Variants in CHD6 observed in about 807,000 individuals in gnomAD.
CHD6 encodes ATP-dependent chromatin remodeler CHD6.
CHD6 carries 50 observed loss-of-function variants against 276.9 expected under a neutral mutation model. The ratio of observed to expected loss-of-function variants is 0.18; its 90% CI spans 0.14 to 0.23. The LOEUF (loss-of-function observed/expected upper bound fraction) is 0.23, where lower values mean the gene tolerates loss of function less well. CHD6 is among the 10% of genes least tolerant of loss of function. The probability of loss-of-function intolerance (pLI) is 1.00; values close to 1 mark genes in which losing one functional copy is unlikely to be tolerated. For synonymous variants in CHD6, 1,173 were observed against 1,229.3 expected (o/e 0.95, Z 0.96); for missense variants, 2,564 against 3,365.8 (o/e 0.76, Z 5.89).
intron 1 of CHD6, among the ~76,000 whole-genome samples, chr20:41,576,090 T>C (rs924978615): frequency 1.1e-4 from 17 of 152,126 alleles, no homozygotes; most frequent in Non-Finnish European, 2.1e-4. Context: ...AAGCAAAATT[T>C]ACTAAAAAGG....
At chr20:41,580,776 T>C (rs932511027) in intron 1 of CHD6, among the ~76,000 whole-genome samples, 3 of 151,884 alleles carry the variant, frequency 2.0e-5, no homozygotes, top group African/African-American at 7.3e-5. Context: ...AGAATGAATA[T>C]AGTTTTAACA....
At position 41,452,498 on chromosome 20, in the gene CHD6, C is replaced by G. The variant is rs1399000122; in HGVS notation, c.3323+242G>C. ...TCAGTACCAGACAGCAAATTAGGAC[C>G]AGAGATTTGTTGTGACAGGCATATG... On this transcript the variant is annotated intron_variant, in intron 21 of 36. Coordinates refer to ENST00000373233, the MANE Select transcript of CHD6 (RefSeq NM_032221.5). This position sits in a 1 kb window ranked among gnomAD's most constrained non-coding sequence, Gnocchi z 4.2. Among the ~76,000 whole-genome samples the G allele has an allele frequency of 1.3e-5, 2 of 152,164 alleles. No individual in the cohort carries two copies. Among genetic ancestry groups the G allele is most frequent in the African/African-American group, 4.8e-5 (2 of 41,434 alleles).
chr20:41,484,814 A>AT (rs2043374357), intron 14 of CHD6, among the ~76,000 whole-genome samples: 1 of 152,192 alleles, frequency 6.6e-6, no homozygotes, highest in Non-Finnish European at 1.5e-5. Flanking sequence ...TTCACAAGCA[A>AT]TTACTGAGAA....
intron 8 of CHD6, among the ~76,000 whole-genome samples, chr20:41,494,476 CAAG>C (rs1164992710): frequency 1.3e-5 from 2 of 152,146 alleles, no homozygotes; most frequent in Non-Finnish European, 2.9e-5. Context: ...TACAAAACAA[CAAG>C]AAGCAACATA....
At chr20:41,439,937 G>A in intron 26 of CHD6, 63 bp downstream of exon 26, 2 of 1,567,794 alleles carry the variant, frequency 1.3e-6, no homozygotes, top group Non-Finnish European at 1.8e-6. Flanking sequence ...GGGTTTATGA[G>A]GAAGGGGTCA....
intron 3 of CHD6, among the ~76,000 whole-genome samples, chr20:41,528,529 T>G (rs1158059318): frequency 6.6e-6 from 1 of 152,228 alleles, no homozygotes; most frequent in African/African-American, 2.4e-5. Flanking sequence ...GAAGGAGCTT[T>G]CTTTCTTGCT....
intron 1 of CHD6, among the ~76,000 whole-genome samples, chr20:41,557,978 T>C (rs149852420): frequency 6.6e-6 from 1 of 152,292 alleles, no homozygotes; most frequent in East Asian, 1.9e-4. Context: ...ATTTTAGGAA[T>C]ACGAATAAGG....
At chr20:41,558,400 A>T (rs1342822758) in intron 1 of CHD6, among the ~76,000 whole-genome samples, 1 of 152,206 alleles carries the variant, frequency 6.6e-6, no homozygotes, top group African/African-American at 2.4e-5. Flanking sequence ...CATGGTGAAG[A>T]CTAGCTATAG....
intron 36 of CHD6, among the ~76,000 whole-genome samples, chr20:41,405,847 G>C (rs1196126772): frequency 6.6e-6 from 1 of 152,168 alleles, no homozygotes; most frequent in African/African-American, 2.4e-5. Context: ...CGGTGAGACT[G>C]TTATGGCTGA....
chr20:41,413,352 T>C lies in CHD6; in HGVS notation c.7103A>G (p.Tyr2368Cys), dbSNP rs1444807888. The change falls in exon 35 of 37, where the codon TAC (tyrosine) becomes TGC (cysteine). Residue 2368 changes from tyrosine to cysteine, a missense_variant. Tyr to Cys is a radical substitution (Grantham distance 194, BLOSUM62 -2). Around this residue, in one of 7 missense-constraint regions of CHD6, gnomAD observed 1,024 missense variants for 1,047.9 expected, o/e 0.98. Transcript: ENST00000373233. ...CCCAAAGCCAGGAACTTCTAAGGAG[T>C]AGTCAGCCTGCTGCCTTAGCCAGTC... Reference protein sequence around the residue: ...LLDWLRQQADYSLEVPGFGAN... With the variant: ...LLDWLRQQADCSLEVPGFGAN... The C allele has an allele frequency of 3.7e-6, 6 of 1,609,984 alleles. No homozygotes were observed. Among genetic ancestry groups the C allele is most frequent in the Non-Finnish European group, 4.2e-6 (5 of 1,178,986 alleles).
chr20:41,582,132 A>G (rs944540456), intron 1 of CHD6, among the ~76,000 whole-genome samples: 12 of 152,126 alleles, frequency 7.9e-5, no homozygotes, highest in African/African-American at 2.9e-4. Context: ...AACTCAATTC[A>G]ATTACTTAAA....
At chr20:41,562,966 T>C (rs2045317791) in intron 1 of CHD6, among the ~76,000 whole-genome samples, 1 of 152,224 alleles carries the variant, frequency 6.6e-6, no homozygotes, top group Non-Finnish European at 1.5e-5. Flanking sequence ...ACTAGTACTG[T>C]CATCACTTCC....
intron 3 of CHD6, among the ~76,000 whole-genome samples, chr20:41,529,757 G>T (rs1486402671): frequency 6.6e-6 from 1 of 151,992 alleles, no homozygotes; most frequent in Non-Finnish European, 1.5e-5. Context: ...GACCCCAGAG[G>T]GTCTGAATAA....
chr20:41,435,090 C>T (rs1392779550), intron 27 of CHD6, among the ~76,000 whole-genome samples: 1 of 152,030 alleles, frequency 6.6e-6, no homozygotes. Flanking sequence ...TCTCCAAACA[C>T]TTGGACACTA....
chr20:41,423,384 C>T, intron 30 of CHD6, 108 bp downstream of exon 30: 1 of 1,003,112 alleles, frequency 1.0e-6, no homozygotes, highest in Non-Finnish European at 1.5e-6. Flanking sequence ...ACCTAAATTC[C>T]TCATGTAGAC....
Position 41,421,000 on chromosome 20 carries a change from C to T in CHD6, c.5635G>A (p.Ala1879Thr). Residue 1879 changes from alanine (A) to threonine (T), a missense_variant, in exon 31 of 37, where the codon GCC (alanine) becomes ACC (threonine). Around this residue, in one of 7 missense-constraint regions of CHD6, gnomAD observed 1,024 missense variants for 1,047.9 expected, o/e 0.98. Transcript: ENST00000373233. ...CTTTCCCCCATGCCTACTGCCATGG[C>T]TAAGTTTTCCTCCTCGTTTTCCTCC... ...EEEENEEENL[A>T]MAVGMGERPE... 6.2e-7 allele frequency: 1 copy of T among 1,614,028 alleles called. No individual in the cohort carries two copies. Among genetic ancestry groups the T allele is most frequent in the Non-Finnish European group, 8.5e-7 (1 of 1,179,980 alleles).
At chr20:41,512,543 T>G (rs1568660680) in intron 5 of CHD6, among the ~76,000 whole-genome samples, 1 of 151,738 alleles carries the variant, frequency 6.6e-6, no homozygotes, top group Non-Finnish European at 1.5e-5. Context: ...GAAGAACTGT[T>G]AGTTCAAGGC....
intron 1 of CHD6, among the ~76,000 whole-genome samples, chr20:41,612,106 A>G (rs1005134581): frequency 6.6e-6 from 1 of 152,252 alleles, no homozygotes; most frequent in Non-Finnish European, 1.5e-5. Flanking sequence ...GACTACAATT[A>G]TAAACTGTTT....
chr20:41,481,967 G>A (rs1309707149), intron 16 of CHD6, among the ~76,000 whole-genome samples: 1 of 152,032 alleles, frequency 6.6e-6, no homozygotes, highest in Non-Finnish European at 1.5e-5. Context: ...CAAGATGAAT[G>A]GGGAGTTGTG....
Sources: gnomAD v4.1 joint callset for allele counts (sites outside exome capture counted in the v4.1 genomes callset) on GRCh38, gnomAD v4.1.1 for gene constraint, gnomAD v4.1.1 regional missense constraint, Gnocchi (gnomAD v3.1) non-coding constraint, MANE v1.5 for transcripts, NCBI Gene and HGNC (gene_info 2026-07-23, HGNC 2026-07-21) for gene names.